Variants in NLGN4X observed in about 807,000 individuals in gnomAD.
The protein encoded by NLGN4X is neuroligin 4 X-linked.
NLGN4X carries 3 observed loss-of-function variants against 40.3 expected under a neutral mutation model. The observed-to-expected ratio is 0.07, with a 90% CI of 0.03 to 0.19. The LOEUF (loss-of-function observed/expected upper bound fraction) is 0.19, where lower values mean the gene tolerates loss of function less well. Ranked by LOEUF, NLGN4X falls within the 10% of genes least tolerant of loss-of-function variation. The probability of loss-of-function intolerance (pLI) is 1.00; values close to 1 mark genes in which losing one functional copy is unlikely to be tolerated. For synonymous variants in NLGN4X, 270 were observed against 306.8 expected, an observed-to-expected ratio of 0.88 and a Z score of 1.25; for missense variants, 382 against 708.3, an observed-to-expected ratio of 0.54 and a Z score of 5.23.
At chrX:5,941,178 GGGGTGTGTGTGTGTGTGTGTGT>G (rs1287505374) in intron 3 of NLGN4X, among the ~76,000 whole-genome samples, 10 of 51,997 alleles carry the variant, frequency 1.9e-4, no homozygotes, top group East Asian at 1.5e-3. Flanking sequence ...CGTATGCTAG[GGGGTGTGTGTGTGTGTGTGTGT>G]GTGTGTGTGT....
intron 1 of NLGN4X, among the ~76,000 whole-genome samples, chrX:6,192,065 C>G (rs1250083502): frequency 1.8e-5 from 2 of 111,468 alleles, no homozygotes; most frequent in Non-Finnish European, 3.8e-5. Flanking sequence ...CTACCCCTTA[C>G]CTAGAAAGTT....
At chrX:6,051,327 C>T (rs964133740) in intron 2 of NLGN4X, among the ~76,000 whole-genome samples, 6 of 111,570 alleles carry the variant, frequency 5.4e-5, no homozygotes, top group African/African-American at 2.0e-4. Flanking sequence ...GGAACTGAAA[C>T]CCTGGAAAGC....
intron 1 of NLGN4X, among the ~76,000 whole-genome samples, chrX:6,175,824 G>T (rs1334415806): frequency 9.1e-6 from 1 of 110,018 alleles, no homozygotes; most frequent in East Asian, 2.8e-4. Flanking sequence ...CTGTTTTACT[G>T]GGATCCAAGC....
intron 2 of NLGN4X, among the ~76,000 whole-genome samples, chrX:6,039,447 G>A (rs1469749856): frequency 8.9e-6 from 1 of 112,149 alleles, no homozygotes; most frequent in Admixed American, 9.5e-5. Flanking sequence ...CTCATAAGCA[G>A]TAATAGGCGC....
intron 2 of NLGN4X, among the ~76,000 whole-genome samples, chrX:6,115,349 C>T (rs1031935860): frequency 8.9e-6 from 1 of 111,742 alleles, no homozygotes; most frequent in Non-Finnish European, 1.9e-5. Context: ...ACTCATGCAT[C>T]CTTTTTAGAA....
intron 2 of NLGN4X, among the ~76,000 whole-genome samples, chrX:6,087,689 C>T (rs2038530956): frequency 8.9e-6 from 1 of 111,985 alleles, no homozygotes; most frequent in Non-Finnish European, 1.9e-5. Context: ...TAAAACTCTA[C>T]TTCAATTCTT....
At chrX:5,931,589 G>A (rs1387092234) in intron 3 of NLGN4X, among the ~76,000 whole-genome samples, 2 of 111,556 alleles carry the variant, frequency 1.8e-5, no homozygotes, top group Non-Finnish European at 3.8e-5. Context: ...CATTTGGATG[G>A]TTTAGAATCC....
At chrX:6,145,865 G>C (rs772700246) in intron 2 of NLGN4X, among the ~76,000 whole-genome samples, 2 of 110,840 alleles carry the variant, frequency 1.8e-5, no homozygotes, top group South Asian at 3.8e-4. Context: ...GCTTATGCTG[G>C]TAATGCCAGC....
At chrX:6,202,470 T>C (rs1411799369) in intron 1 of NLGN4X, among the ~76,000 whole-genome samples, 1 of 107,748 alleles carries the variant, frequency 9.3e-6, no homozygotes, top group Non-Finnish European at 1.9e-5. Flanking sequence ...CCCGAGTAGG[T>C]AGGACTACAG....
At chrX:6,084,683 G>A (rs2147420011) in intron 2 of NLGN4X, among the ~76,000 whole-genome samples, 1 of 110,686 alleles carries the variant, frequency 9.0e-6, no homozygotes, top group African/African-American at 3.3e-5. Context: ...GCAGGAGAGG[G>A]GACAATGGCA....
chrX:6,069,287 CAAAA>C (rs35625635), intron 2 of NLGN4X, among the ~76,000 whole-genome samples: 2 of 88,134 alleles, frequency 2.3e-5, no homozygotes, highest in South Asian at 1.1e-3. Context: ...GACTCCGTCT[CAAAA>C]AAAAAAAAAA....
chrX:6,195,171 G>A (rs775059768), intron 1 of NLGN4X, among the ~76,000 whole-genome samples: 3 of 111,742 alleles, frequency 2.7e-5, no homozygotes, highest in South Asian at 7.5e-4. Flanking sequence ...TGTACATAGT[G>A]GGTCAGCATC....
chrX:6,046,754 C>T (rs2037328207), intron 2 of NLGN4X, among the ~76,000 whole-genome samples: 1 of 109,377 alleles, frequency 9.1e-6, no homozygotes, highest in Non-Finnish European at 1.9e-5. Context: ...CATATATGCA[C>T]ATACACTTTT....
At chrX:5,905,839 T>C (rs2032143530) in intron 4 of NLGN4X, among the ~76,000 whole-genome samples, 1 of 111,709 alleles carries the variant, frequency 9.0e-6, no homozygotes, top group African/African-American at 3.3e-5. Context: ...CTCTTTTTTG[T>C]AGAGACGGGG....
At chrX:5,981,519 G>A (rs1216448599) in intron 3 of NLGN4X, among the ~76,000 whole-genome samples, 2 of 107,161 alleles carry the variant, frequency 1.9e-5, no homozygotes, top group Non-Finnish European at 3.8e-5. Flanking sequence ...TTTTTTAAAA[G>A]TAGACTTGCA....
chrX:6,210,597 C>A (rs890732680), intron 1 of NLGN4X, among the ~76,000 whole-genome samples: 2 of 111,993 alleles, frequency 1.8e-5, no homozygotes, highest in Non-Finnish European at 3.8e-5. Flanking sequence ...AGTCACACAG[C>A]GTTTGCTCCT....
At chrX:5,953,723 G>A (rs2034391512) in intron 3 of NLGN4X, among the ~76,000 whole-genome samples, 1 of 112,108 alleles carries the variant, frequency 8.9e-6, no homozygotes, top group Non-Finnish European at 1.9e-5. Context: ...TGATGCATTC[G>A]TGTTCGCCTG....
intron 3 of NLGN4X, among the ~76,000 whole-genome samples, chrX:5,999,608 A>T (rs1276435922): frequency 8.9e-6 from 1 of 112,601 alleles, no homozygotes; most frequent in Non-Finnish European, 1.9e-5. Flanking sequence ...GGTTGAATGC[A>T]TGAAAATCAA....
chrX:6,095,520 T>A, intron 2 of NLGN4X, among the ~76,000 whole-genome samples: 1 of 112,727 alleles, frequency 8.9e-6, no homozygotes, highest in Non-Finnish European at 1.9e-5. Context: ...GATACAGTTT[T>A]ACCTTTTATG....
Sources: allele counts gnomAD v4.1 joint callset (sites outside exome capture counted in the v4.1 genomes callset), GRCh38; gene constraint gnomAD v4.1.1; transcripts MANE v1.5; gene names NCBI Gene and HGNC (gene_info 2026-07-23, HGNC 2026-07-21).